The following GRID2 variants were observed in gnomAD, a reference collection of about 807,000 sequenced individuals.
GRID2 encodes glutamate receptor ionotropic, delta-2.
GRID2 carries 33 observed loss-of-function variants against 114.8 expected under a neutral mutation model. The observed-to-expected ratio is 0.29, with a 90% CI of 0.22 to 0.38. GRID2 has a LOEUF of 0.38. GRID2 is among the 10% of genes least tolerant of loss of function. The pLI, the probability that GRID2 is intolerant of heterozygous loss-of-function variation, is 1.00. For synonymous variants in GRID2, 505 were observed against 449.9 expected (o/e 1.12, Z -1.55); for missense variants, 1,184 against 1,257.7 (o/e 0.94, Z 0.89).
At chr4:92,564,758 G>T in intron 1 of GRID2, among the ~76,000 whole-genome samples, 1 of 151,966 alleles carries the variant, frequency 6.6e-6, no homozygotes, top group Non-Finnish European at 1.5e-5. Context: ...ACATTACTTT[G>T]TGAAACATGT....
chr4:92,382,985 G>A (rs1729695365), intron 1 of GRID2, among the ~76,000 whole-genome samples: 1 of 151,958 alleles, frequency 6.6e-6, no homozygotes, highest in Non-Finnish European at 1.5e-5. Context: ...TGGCTCCTGG[G>A]AAGGTCTCAG....
At chr4:93,456,692 T>C (rs745440853) in intron 11 of GRID2, among the ~76,000 whole-genome samples, 51 of 151,292 alleles carry the variant, frequency 3.4e-4, no homozygotes, top group Admixed American at 6.6e-4. Flanking sequence ...TGATAGTCTC[T>C]TGCAAGCTCT....
At chr4:92,600,999 TCCATGGAGA>T (rs1212793867) in intron 2 of GRID2, among the ~76,000 whole-genome samples, 1 of 152,140 alleles carries the variant, frequency 6.6e-6, no homozygotes, top group Non-Finnish European at 1.5e-5. Flanking sequence ...AGTCTGTTGA[TCCATGGAGA>T]CCACAGCCGT....
chr4:92,344,119 T>C (rs981871907), intron 1 of GRID2, among the ~76,000 whole-genome samples: 7 of 152,128 alleles, frequency 4.6e-5, no homozygotes, highest in African/African-American at 1.4e-4. Flanking sequence ...TACTCAAGGG[T>C]CAACTTATAA....
chr4:93,072,149 A>T (rs1237481026), intron 2 of GRID2, among the ~76,000 whole-genome samples: 2 of 152,138 alleles, frequency 1.3e-5, no homozygotes, highest in East Asian at 3.9e-4. Flanking sequence ...ACTTTTTCCC[A>T]CCTGCACAAT....
At chr4:92,700,416 C>G (rs1402650263) in intron 2 of GRID2, among the ~76,000 whole-genome samples, 2 of 152,144 alleles carry the variant, frequency 1.3e-5, no homozygotes, top group Non-Finnish European at 2.9e-5. Flanking sequence ...TATTCTAAGA[C>G]TATCCTAGGG....
At chr4:93,358,834 A>C (rs1386630831) in intron 8 of GRID2, among the ~76,000 whole-genome samples, 2 of 152,110 alleles carry the variant, frequency 1.3e-5, no homozygotes, top group Non-Finnish European at 2.9e-5. Flanking sequence ...GTTATTTTAC[A>C]TAAGGGAGGT....
intron 10 of GRID2, among the ~76,000 whole-genome samples, chr4:93,433,326 AAGG>A (rs1353584315): frequency 6.6e-6 from 1 of 152,154 alleles, no homozygotes; most frequent in Non-Finnish European, 1.5e-5. Context: ...GTTTTCAGAG[AAGG>A]AGAAGAAGAT....
intron 14 of GRID2, among the ~76,000 whole-genome samples, chr4:93,635,791 A>G (rs1270598197): frequency 6.6e-6 from 1 of 152,172 alleles, no homozygotes; most frequent in Non-Finnish European, 1.5e-5. Flanking sequence ...TTTAGTCTAA[A>G]TAGATGACAG....
At chr4:93,255,242 A>C (rs1191319176) in intron 8 of GRID2, among the ~76,000 whole-genome samples, 1 of 152,238 alleles carries the variant, frequency 6.6e-6, no homozygotes, top group Middle Eastern at 3.4e-3. Flanking sequence ...AAAATTAGCA[A>C]TCATTTGGTG....
At chr4:93,529,453 A>G (rs562282288) in intron 13 of GRID2, among the ~76,000 whole-genome samples, 7 of 152,162 alleles carry the variant, frequency 4.6e-5, no homozygotes, top group Admixed American at 3.9e-4. Context: ...CTAATCAGAG[A>G]CTCTTGGGGA....
chr4:92,354,668 A>G (rs1192063089), intron 1 of GRID2, among the ~76,000 whole-genome samples: 1 of 152,008 alleles, frequency 6.6e-6, no homozygotes, highest in Non-Finnish European at 1.5e-5. Context: ...CAAGTCAATC[A>G]GAATTTATTA....
At chr4:93,659,709 C>G (rs1723317489) in intron 14 of GRID2, among the ~76,000 whole-genome samples, 1 of 152,104 alleles carries the variant, frequency 6.6e-6, no homozygotes, top group Non-Finnish European at 1.5e-5. Flanking sequence ...ATTGCAGACC[C>G]AAACATAGCT....
intron 8 of GRID2, among the ~76,000 whole-genome samples, chr4:93,375,401 T>C (rs1560554857): frequency 2.0e-5 from 3 of 151,808 alleles, no homozygotes; most frequent in Admixed American, 1.3e-4. Context: ...TTAGTAGAGA[T>C]GGGGTTTCAC....
intron 2 of GRID2, among the ~76,000 whole-genome samples, chr4:92,998,796 C>T (rs910395557): frequency 3.3e-5 from 5 of 149,524 alleles, no homozygotes; most frequent in Non-Finnish European, 4.5e-5. Flanking sequence ...AATTTGATGG[C>T]GTTTTATTTA....
chr4:92,857,577 G>A (rs536211459), intron 2 of GRID2, among the ~76,000 whole-genome samples: 116 of 152,300 alleles, frequency 7.6e-4, no homozygotes, highest in African/African-American at 2.7e-3. Context: ...AAGAGGTAAG[G>A]AAGCTGCAGA....
At chr4:93,258,455 A>G (rs1749866504) in intron 8 of GRID2, among the ~76,000 whole-genome samples, 1 of 151,752 alleles carries the variant, frequency 6.6e-6, no homozygotes, top group South Asian at 2.1e-4. Context: ...AACTCATGAA[A>G]GAATTAAAGT....
intron 2 of GRID2, among the ~76,000 whole-genome samples, chr4:92,844,846 A>T (rs972309075): frequency 2.6e-5 from 4 of 152,206 alleles, no homozygotes; most frequent in Middle Eastern, 3.4e-3. Context: ...TTAAAAAGCT[A>T]TTCTCAAGGG....
At chr4:93,212,005 G>A (rs1484907000) in intron 5 of GRID2, among the ~76,000 whole-genome samples, 1 of 151,314 alleles carries the variant, frequency 6.6e-6, no homozygotes, top group Non-Finnish European at 1.5e-5. Context: ...TTACATGCTT[G>A]TTTATGGGAA....
Sources: gnomAD v4.1 joint callset for allele counts (sites outside exome capture counted in the v4.1 genomes callset) on GRCh38, gnomAD v4.1.1 for gene constraint, MANE v1.5 for transcripts, NCBI Gene and HGNC (gene_info 2026-07-23, HGNC 2026-07-21) for gene names.